The following SMARCA4 variants were observed in gnomAD, a reference collection of about 807,000 sequenced individuals.
SMARCA4 encodes the protein SWI/SNF-related matrix-associated actin-dependent regulator of chromatin subfamily A member 4.
SMARCA4 carries 31 observed loss-of-function variants against 193.9 expected under a neutral mutation model. The observed-to-expected ratio is 0.16, with a 90% CI of 0.12 to 0.22. The LOEUF (loss-of-function observed/expected upper bound fraction) is 0.22, where lower values mean the gene tolerates loss of function less well. Among genes scored for constraint, SMARCA4 ranks in the 10% least tolerant of loss-of-function variants. The pLI, the probability that SMARCA4 is intolerant of heterozygous loss-of-function variation, is 1.00. For synonymous variants in SMARCA4, 942 were observed against 933.1 expected, an observed-to-expected ratio of 1.01 and a Z score of -0.17; for missense variants, 1,148 against 2,296.0, an observed-to-expected ratio of 0.50 and a Z score of 10.22.
In SMARCA4 at chr19:11,015,233, G is replaced by T. The variant is rs75739104; in HGVS notation, c.2438+2121G>T. On this transcript the variant is annotated intron_variant, in intron 16 of 34. Coordinates refer to ENST00000344626, the MANE Select transcript of SMARCA4 (RefSeq NM_003072.5). Reference sequence around the variant, plus strand: ...TGAAAACCAGGAAGATAACATGGACGTAGGACTAATAGCAAACCAGAGGCC... The same window carrying T: ...TGAAAACCAGGAAGATAACATGGACTTAGGACTAATAGCAAACCAGAGGCC... Among the ~76,000 whole-genome samples, 136 of 152,310 alleles carry T rather than the reference G, an allele frequency of 8.9e-4. No individual in the cohort carries two copies. The Middle Eastern group carries it at 0.024, about 27-fold the overall frequency.
At chr19:10,995,407 G>A (rs563425268) in intron 9 of SMARCA4, 34 of 463,784 alleles carry the variant, frequency 7.3e-5, no homozygotes, top group Non-Finnish European at 1.3e-4. Flanking sequence ...CTCTGTGTAC[G>A]GGGACATGGC....
At chr19:11,016,817 G>T (rs890773353) in intron 16 of SMARCA4, among the ~76,000 whole-genome samples, 3 of 152,154 alleles carry the variant, frequency 2.0e-5, no homozygotes, top group African/African-American at 7.2e-5. Context: ...CCCCAGCATC[G>T]GGTGAATTTT....
intron 1 of SMARCA4, among the ~76,000 whole-genome samples, chr19:10,969,520 T>C (rs1417331531): frequency 6.6e-6 from 1 of 151,974 alleles, no homozygotes; most frequent in Non-Finnish European, 1.5e-5. Context: ...AACCTCCGCC[T>C]CCTGGGTTCA....
chr19:10,968,238 T>C (rs1470671065), intron 1 of SMARCA4, among the ~76,000 whole-genome samples: 1 of 152,214 alleles, frequency 6.6e-6, no homozygotes, highest in Non-Finnish European at 1.5e-5. Flanking sequence ...TCCGCCTGCC[T>C]TGGCCTTCCA....
At position 10,997,347 on chromosome 19, in the gene SMARCA4, T is replaced by C. The variant is rs373924062; in HGVS notation, c.1812+803T>C. The stretch of plus-strand genomic sequence containing the variant: ...CCGAGTAGCTGGGACTACAGGCACC[T>C]GCTACCACGCCCGGCTAATTTTTTG... On this transcript the variant is annotated intron_variant, in intron 11 of 34. Transcript: ENST00000344626. 3.6e-3 allele frequency among the ~76,000 whole-genome samples: 552 copies of C among 152,038 alleles called. 7 individuals carry two copies. Among genetic ancestry groups the C allele is most frequent in the African/African-American group, 0.012 (514 of 41,476 alleles).
intron 8 of SMARCA4, among the ~76,000 whole-genome samples, chr19:10,992,784 T>C (rs113958641): frequency 1.8e-3 from 272 of 152,114 alleles, no homozygotes; most frequent in African/African-American, 6.2e-3. Context: ...GAGATGAGGT[T>C]TCACTATGTT....
intron 19 of SMARCA4, among the ~76,000 whole-genome samples, chr19:11,023,024 G>C (rs187803759): frequency 3.3e-5 from 5 of 152,300 alleles, no homozygotes; most frequent in African/African-American, 1.2e-4. Flanking sequence ...AGGCGCCGTG[G>C]GAGGTCAGGG....
At position 11,041,426 on chromosome 19, in the gene SMARCA4, C is replaced by A. The variant is rs879796805; in HGVS notation, c.4290C>A (p.Ser1430Arg). ...CCACCCCGACCACCAGCACCCGCAG[C>A]CGCGACAAGGACGACGAGAGCAAGA... is the stretch of plus-strand genomic sequence containing the variant. The part of the protein sequence containing the change: ...GSSTPTTSTR[S>R]RDKDDESKKQ... The change falls in exon 30 of 35, where the codon AGC becomes AGA. Residue 1430 changes from serine to arginine, a missense_variant. By Grantham distance (110) the Ser-to-Arg change is moderately radical. Around this residue, in one of 17 missense-constraint regions of SMARCA4, gnomAD observed 141 missense variants for 193.0 expected, o/e 0.73. Transcript: ENST00000344626. This position sits in a 1 kb window ranked among gnomAD's most constrained non-coding sequence, Gnocchi z 5.6. 6.2e-7 allele frequency: 1 copy of A among 1,612,506 alleles called. No individual in the cohort carries two copies. The highest frequency in any genetic ancestry group is 8.5e-7 in the Non-Finnish European group (1 of 1,179,962).
rs929958395 is a variant in SMARCA4 at position 11,021,295 on chromosome 19, C to A, written c.2617-430C>A. ...ACCCCATGGGGCCCACATTCTGAAC[C>A]ACAGGCTGCTCATTAGAAATGTACC... On this transcript the variant is annotated intron_variant, in intron 18 of 34. Transcript: ENST00000344626. The A allele has an allele frequency of 8.6e-6, 3 of 349,410 alleles. No individual in the cohort carries two copies. The East Asian group carries it at 2.2e-4, about 26-fold the overall frequency. The allele number at this position is 349,410 out of a possible 1,614,324, so 21.6% of individuals were successfully genotyped here.
At chr19:10,996,586 T>A in intron 11 of SMARCA4, 42 bp downstream of exon 11, 1 of 1,576,604 alleles carries the variant, frequency 6.3e-7, no homozygotes, top group Non-Finnish European at 8.7e-7. Context: ...AAGCTAGCCC[T>A]AAGGCGTTGG....
rs2075167240 is a variant in SMARCA4, at chr19:11,034,846, G to T, written c.3952-68G>T. Reference sequence around the variant, plus strand: ...AGAAAGGCCCTTCTGAACTCTCGGTGTTCTGGCTCTAGCGTGCCCCTGGTG... The same window carrying T: ...AGAAAGGCCCTTCTGAACTCTCGGTTTTCTGGCTCTAGCGTGCCCCTGGTG... On this transcript the variant is annotated intron_variant, in intron 28 of 34. Transcript: ENST00000344626. The surrounding 1 kb of genome is among the most constrained non-coding windows in gnomAD (Gnocchi z 7.0). 1.9e-6 allele frequency: 2 copies of T among 1,032,822 alleles called. No homozygotes were observed. The highest frequency in any genetic ancestry group is 5.2e-5 in the East Asian group (2 of 38,628). The allele number at this position is 1,032,822 out of a possible 1,614,324, so 64.0% of individuals were successfully genotyped here.
intron 7 of SMARCA4, among the ~76,000 whole-genome samples, chr19:10,990,410 C>T (rs2086455568): frequency 6.6e-6 from 1 of 152,122 alleles, no homozygotes; most frequent in South Asian, 2.1e-4. Flanking sequence ...TCCTGAGTAG[C>T]TGGGATTACA....
At chr19:10,966,131 C>G (rs1310847514) in intron 1 of SMARCA4, among the ~76,000 whole-genome samples, 1 of 151,590 alleles carries the variant, frequency 6.6e-6, no homozygotes, top group Non-Finnish European at 1.5e-5. Flanking sequence ...TACAGGTGCC[C>G]GCCACCATGC....
chr19:11,055,979 G>A (rs1346446274), intron 30 of SMARCA4, among the ~76,000 whole-genome samples: 1 of 152,196 alleles, frequency 6.6e-6, no homozygotes, highest in Non-Finnish European at 1.5e-5. Context: ...GCCCCTGCCT[G>A]TGCTGCACGT....
At chr19:11,029,556 G>A (rs2090496574) in intron 24 of SMARCA4, among the ~76,000 whole-genome samples, 2 of 152,276 alleles carry the variant, frequency 1.3e-5, no homozygotes, top group Non-Finnish European at 2.9e-5. Flanking sequence ...AGCTGGAGTA[G>A]CAGGGGCACA....
In SMARCA4 at chr19:11,033,561, G is replaced by A. The variant is rs2146658115; in HGVS notation, c.3774+44G>A. 2.7e-6 allele frequency: 4 copies of A among 1,454,722 alleles called. No individual in the cohort carries two copies. Among genetic ancestry groups the A allele is most frequent in the Non-Finnish European group, 3.9e-6 (4 of 1,035,616 alleles). 90.1% of individuals were successfully genotyped at this position (1,454,722 alleles called of 1,614,324 possible). ...CCGACCCCTCCCCAGCGTGAATGGT[G>A]GACGCGTGAGCGGCTTTCATTTTTG... On this transcript the variant is annotated intron_variant, in intron 26 of 34. Coordinates refer to ENST00000344626, the MANE Select transcript of SMARCA4 (RefSeq NM_003072.5). This position sits in a 1 kb window ranked among gnomAD's most constrained non-coding sequence, Gnocchi z 9.8.
chr19:11,001,714 G>A (rs2087657569), intron 11 of SMARCA4, among the ~76,000 whole-genome samples: 3 of 152,130 alleles, frequency 2.0e-5, no homozygotes, highest in African/African-American at 4.8e-5. Context: ...ATATCCCTCC[G>A]CTGTGTGGAC....
At chr19:10,997,284 C>T (rs562811228) in intron 11 of SMARCA4, among the ~76,000 whole-genome samples, 18 of 152,204 alleles carry the variant, frequency 1.2e-4, no homozygotes, top group Middle Eastern at 3.4e-3. Flanking sequence ...CTGCAAGCTC[C>T]GCCTCCTGGG....
chr19:11,059,914 G>C (rs1241024432), intron 33 of SMARCA4, 29 bp downstream of exon 33: 10 of 1,613,596 alleles, frequency 6.2e-6, no homozygotes, highest in Non-Finnish European at 8.5e-6. Context: ...CAGGACGCCG[G>C]GGTTCACGCT....
Sources: gnomAD v4.1 joint callset for allele counts (sites outside exome capture counted in the v4.1 genomes callset) on GRCh38, gnomAD v4.1.1 for gene constraint, gnomAD v4.1.1 regional missense constraint, Gnocchi (gnomAD v3.1) non-coding constraint, MANE v1.5 for transcripts, NCBI Gene and HGNC (gene_info 2026-07-23, HGNC 2026-07-21) for gene names.